Variants in PDE5A observed in about 807,000 individuals in gnomAD.
The protein encoded by PDE5A is phosphodiesterase 5A, also known as cGMP-specific 3',5'-cyclic phosphodiesterase.
PDE5A carries 67 observed loss-of-function variants against 110.2 expected under a neutral mutation model. That is an observed-to-expected ratio of 0.61 (90% confidence interval 0.50 to 0.75). The LOEUF is 0.75. PDE5A is among the 30% of genes least tolerant of loss of function. The pLI, the probability that PDE5A is intolerant of heterozygous loss-of-function variation, is 0.00. For synonymous variants in PDE5A, 328 were observed against 351.2 expected, an observed-to-expected ratio of 0.93 and a Z score of 0.74; for missense variants, 862 against 1,045.1, an observed-to-expected ratio of 0.82 and a Z score of 2.42.
At chr4:119,578,989 C>A (rs1728487698) in intron 3 of PDE5A, among the ~76,000 whole-genome samples, 1 of 151,824 alleles carries the variant, frequency 6.6e-6, no homozygotes, top group Non-Finnish European at 1.5e-5. Context: ...AACAAATTTA[C>A]AAGAAAAAAA....
chr4:119,510,583 T>C (rs1725703328), intron 15 of PDE5A, among the ~76,000 whole-genome samples: 1 of 152,080 alleles, frequency 6.6e-6, no homozygotes. Flanking sequence ...GCATAGCATA[T>C]GCTTTCTTAT....
chr4:119,533,358 C>T (rs1241234058), intron 11 of PDE5A, among the ~76,000 whole-genome samples: 1 of 152,140 alleles, frequency 6.6e-6, no homozygotes, highest in African/African-American at 2.4e-5. Flanking sequence ...ACCTTGACAG[C>T]TGCCACATTA....
At chr4:119,526,854 G>A (rs1726339303) in intron 11 of PDE5A, among the ~76,000 whole-genome samples, 1 of 152,018 alleles carries the variant, frequency 6.6e-6, no homozygotes, top group African/African-American at 2.4e-5. Flanking sequence ...TTTTTCCCAA[G>A]ACCAAAACTG....
At chr4:119,569,492 T>G (rs915809773) in intron 3 of PDE5A, among the ~76,000 whole-genome samples, 1 of 149,644 alleles carries the variant, frequency 6.7e-6, no homozygotes, top group Non-Finnish European at 1.5e-5. Context: ...TTTGTACCAA[T>G]AAATAAAGAA....
chr4:119,543,376 C>T (rs1727016020), intron 9 of PDE5A: 1 of 152,022 alleles, frequency 6.6e-6, no homozygotes, highest in Non-Finnish European at 1.5e-5. Context: ...ACCCAGCCTA[C>T]CTCTGTGTAA....
At chr4:119,533,400 C>T (rs1338444447) in intron 11 of PDE5A, among the ~76,000 whole-genome samples, 2 of 152,142 alleles carry the variant, frequency 1.3e-5, no homozygotes, top group Non-Finnish European at 2.9e-5. Context: ...CTCTTTTCTC[C>T]ACTTTCCGCA....
At chr4:119,626,720 CA>C (rs35081967) in intron 1 of PDE5A, among the ~76,000 whole-genome samples, 20,546 of 151,936 alleles carry the variant, frequency 0.14, 1,471 homozygotes, top group Non-Finnish European at 0.15. Context: ...GCTAAACTCG[CA>C]AAAAAGTGCC....
chr4:119,502,790 G>T, intron 18 of PDE5A, 135 bp from the exon 19 acceptor site: 1 of 608,640 alleles, frequency 1.6e-6, no homozygotes, highest in Admixed American at 3.1e-5. Flanking sequence ...GATACCCGAA[G>T]ACAAGTAGTC....
Position 119,495,074 on chromosome 4 carries a change from CA to C in PDE5A, c.*3526del, listed in dbSNP as rs1228620573. 1.3e-5 allele frequency: 2 copies of C among 152,398 alleles called. No individual in the cohort carries two copies. The highest frequency in any genetic ancestry group is 4.8e-5 in the African/African-American group (2 of 41,514). 9.4% of individuals were successfully genotyped at this position (152,398 alleles called of 1,614,324 possible). The stretch of plus-strand genomic sequence containing the variant: ...CAGCAGGTTAAGTGATTCATACTTG[CA>C]AAAAGACAGGATGTTTGTTTACTGG... On this transcript the variant is annotated 3_prime_UTR_variant, in exon 21 of 21. Coordinates refer to ENST00000354960, the MANE Select transcript of PDE5A (RefSeq NM_001083.4).
intron 1 of PDE5A, among the ~76,000 whole-genome samples, chr4:119,619,107 G>C (rs1363430806): frequency 6.6e-6 from 1 of 152,106 alleles, no homozygotes; most frequent in Non-Finnish European, 1.5e-5. Flanking sequence ...TGGAAAGTAT[G>C]ATTGATAACT....
At chr4:119,533,468 G>A (rs1316951350) in intron 11 of PDE5A, among the ~76,000 whole-genome samples, 2 of 152,072 alleles carry the variant, frequency 1.3e-5, no homozygotes, top group African/African-American at 4.8e-5. Flanking sequence ...AAGGCTTTTA[G>A]AATTTATCTT....
intron 5 of PDE5A, 79 bp from the exon 6 acceptor site, chr4:119,563,049 A>G (rs1243693961): frequency 1.6e-6 from 2 of 1,216,822 alleles, no homozygotes; most frequent in African/African-American, 3.1e-5. Context: ...TGGGTTATAA[A>G]TTGTTTATAT....
Position 119,565,321 on chromosome 4 carries a change from C to T in PDE5A, c.993G>A (p.Gln331=), listed in dbSNP as rs1727888845. ...ETSLLENKRN[Q]VLLDLASLIF... ...CACTTTCTTTAGTAATCAGACTGAC[C>T]TGATTTCTCTTGTTCTCCAGCAGTG... is the stretch of plus-strand genomic sequence containing the variant. Residue 331 remains glutamine, a splice_region_variant and synonymous_variant, in exon 5 of 21, where the codon CAG becomes CAA. Transcript: ENST00000354960. 1.9e-6 allele frequency: 3 copies of T among 1,600,172 alleles called. No homozygotes were observed. Among genetic ancestry groups the T allele is most frequent in the Non-Finnish European group, 2.6e-6 (3 of 1,168,816 alleles).
At position 119,595,508 on chromosome 4, in the gene PDE5A, G is replaced by A. The variant is rs569259203; in HGVS notation, c.831+1015C>T. Among the ~76,000 whole-genome samples the A allele has an allele frequency of 1.3e-3, 205 of 152,300 alleles. 2 individuals carry two copies. The highest frequency in any genetic ancestry group is 4.8e-3 in the African/African-American group (199 of 41,566). On this transcript the variant is annotated intron_variant, in intron 3 of 20. Coordinates refer to ENST00000354960, the MANE Select transcript of PDE5A (RefSeq NM_001083.4). ...AAAAGATTCTCCCTCACCAATGTAG[G>A]TGGGCATCATCCAATCCACTAAGGG...
intron 3 of PDE5A, among the ~76,000 whole-genome samples, chr4:119,582,919 C>T (rs965125945): frequency 1.3e-5 from 2 of 152,154 alleles, no homozygotes; most frequent in African/African-American, 4.8e-5. Context: ...TTGCAGAGGA[C>T]AGGCTGAGTT....
At chr4:119,508,856 T>G (rs1275570279) in intron 15 of PDE5A, among the ~76,000 whole-genome samples, 2 of 152,032 alleles carry the variant, frequency 1.3e-5, no homozygotes, top group Non-Finnish European at 2.9e-5. Flanking sequence ...ATAGAATATA[T>G]AGATAGGTCT....
intron 1 of PDE5A, among the ~76,000 whole-genome samples, chr4:119,623,752 T>A (rs1441024042): frequency 6.6e-6 from 1 of 152,066 alleles, no homozygotes; most frequent in Non-Finnish European, 1.5e-5. Context: ...CGTGTGAAAA[T>A]ATTGACAATT....
chr4:119,596,445 A>T, intron 3 of PDE5A, 78 bp downstream of exon 3: 13 of 684,912 alleles, frequency 1.9e-5, no homozygotes, highest in Non-Finnish European at 2.7e-5. Flanking sequence ...TTTCATATAT[A>T]TGCAAAGTAA....
At chr4:119,536,661 C>T (rs1179040641) in intron 11 of PDE5A, among the ~76,000 whole-genome samples, 1 of 152,142 alleles carries the variant, frequency 6.6e-6, no homozygotes, top group Non-Finnish European at 1.5e-5. Context: ...TGGCAGTTAA[C>T]TCAGTTTCAC....
Sources: allele counts gnomAD v4.1 joint callset (sites outside exome capture counted in the v4.1 genomes callset), GRCh38; gene constraint gnomAD v4.1.1; transcripts MANE v1.5; gene names NCBI Gene and HGNC (gene_info 2026-07-23, HGNC 2026-07-21).